SEL1L2: variants seen among roughly 807,000 people sequenced by gnomAD.
The protein encoded by SEL1L2 is SEL1L2 adaptor subunit of SYVN1 ubiquitin ligase.
Under a neutral mutation model 98.8 loss-of-function variants are expected in SEL1L2, and 89 were observed. The observed-to-expected ratio is 0.90, with a 90% CI of 0.76 to 1.07. The LOEUF (loss-of-function observed/expected upper bound fraction) is 1.07. SEL1L2 is among the 50% of genes least tolerant of loss of function. The probability of loss-of-function intolerance (pLI) is 0.00; values close to 1 mark genes in which losing one functional copy is unlikely to be tolerated. For missense variants in SEL1L2, 788 were observed against 812.0 expected, an observed-to-expected ratio of 0.97 and a Z score of 0.36; for synonymous variants, 262 against 278.5, an observed-to-expected ratio of 0.94 and a Z score of 0.59.
intron 17 of SEL1L2, among the ~76,000 whole-genome samples, chr20:13,864,640 A>C (rs1300421661): frequency 6.6e-6 from 1 of 152,190 alleles, no homozygotes; most frequent in Non-Finnish European, 1.5e-5. Flanking sequence ...GGATCCTGCC[A>C]TGTATCTGTT....
At chr20:13,903,152 G>A (rs754975865) in intron 5 of SEL1L2, among the ~76,000 whole-genome samples, 19 of 150,858 alleles carry the variant, frequency 1.3e-4, no homozygotes, top group Non-Finnish European at 2.7e-4. Flanking sequence ...AATTCAAATG[G>A]TTCTGAAGAG....
intron 9 of SEL1L2, among the ~76,000 whole-genome samples, chr20:13,885,818 G>A (rs971903605): frequency 1.3e-5 from 2 of 152,128 alleles, no homozygotes; most frequent in Non-Finnish European, 2.9e-5. Flanking sequence ...GGCAGATCAC[G>A]AGGTCAGGAG....
chr20:13,990,686 C>T (rs1601080092), upstream of SEL1L2: 2 of 590,746 alleles, frequency 3.4e-6, no homozygotes, highest in East Asian at 6.1e-5. Context: ...CCAGAGTGTT[C>T]CTTTCAAGCC....
At chr20:13,931,257 C>T (rs1430647417) in intron 3 of SEL1L2, among the ~76,000 whole-genome samples, 1 of 151,708 alleles carries the variant, frequency 6.6e-6, no homozygotes, top group Non-Finnish European at 1.5e-5. Context: ...GTCTCGATCT[C>T]CTGACCTCGT....
chr20:13,920,199 G>A (rs1246855305), intron 3 of SEL1L2, among the ~76,000 whole-genome samples: 1 of 138,140 alleles, frequency 7.2e-6, no homozygotes. Flanking sequence ...CTGCACTCCA[G>A]CCTGGGTGAC....
At chr20:13,956,153 T>A (rs370552988) in intron 1 of SEL1L2, 22 bp from the exon 2 acceptor site, 64 of 1,316,682 alleles carry the variant, frequency 4.9e-5, no homozygotes, top group South Asian at 1.3e-4. Flanking sequence ...AAAATTTTTT[T>A]ATAAAATTTA....
intron 3 of SEL1L2, among the ~76,000 whole-genome samples, chr20:13,930,219 A>C (rs1255775845): frequency 1.3e-5 from 2 of 152,232 alleles, no homozygotes; most frequent in African/African-American, 2.4e-5. Context: ...GAAGAGCATC[A>C]CTAGCAGGAG....
intron 1 of SEL1L2, among the ~76,000 whole-genome samples, chr20:13,963,148 T>C (rs1347345577): frequency 6.6e-6 from 1 of 151,860 alleles, no homozygotes; most frequent in Non-Finnish European, 1.5e-5. Flanking sequence ...TAATTTCTCA[T>C]GAGAGTTTCA....
rs10655831 is a variant in SEL1L2 at position 13,919,924 on chromosome 20, C to CAAAA, written c.284-805_284-802dup. On this transcript the variant is annotated intron_variant, in intron 3 of 19. Transcript: ENST00000284951. Reference sequence around the variant, plus strand: ...TAGGTGACAGAGCGAGACTCCGTCTCAAAAAAAAAAAAAAATGTTATTGGC... The same window carrying CAAAA: ...TAGGTGACAGAGCGAGACTCCGTCTCAAAAAAAAAAAAAAAAAAATGTTATTGGC... Among the ~76,000 whole-genome samples, 110 of 130,170 alleles carry CAAAA rather than the reference C, an allele frequency of 8.5e-4. 1 individual carries two copies. The highest frequency in any genetic ancestry group is 8.9e-4 in the African/African-American group (31 of 34,638). The allele number at this position is 130,170 out of a possible 152,430, so 85.4% of individuals were successfully genotyped here. A position where few individuals can be genotyped will look rare whatever the true frequency, so the allele number is the denominator to read the frequency against.
At chr20:13,931,533 A>G (rs1365130843) in intron 3 of SEL1L2, 70 bp downstream of exon 3, 1 of 942,726 alleles carries the variant, frequency 1.1e-6, no homozygotes. Flanking sequence ...CTCAGAAAGT[A>G]GCTCTAAAAT....
rs1555889816 is a variant in SEL1L2, at chr20:13,939,035, GTTTTGTTT to G, written c.115-7272_115-7265del. On this transcript the variant is annotated intron_variant, in intron 2 of 19. Coordinates refer to ENST00000284951, the MANE Select transcript of SEL1L2 (RefSeq NM_025229.2). The stretch of plus-strand genomic sequence containing the variant: ...TTTTTTCTTTTTGGTTTGTTTGCTT[GTTTTGTTT>G]TTTTTTTTTTTTTTTTCTGAGATGG... Among the ~76,000 whole-genome samples, 19 of 31,472 alleles carry G rather than the reference GTTTTGTTT, an allele frequency of 6.0e-4. 1 individual carries two copies. The highest frequency in any genetic ancestry group is 9.6e-4 in the Non-Finnish European group (15 of 15,662). 20.6% of individuals were successfully genotyped at this position (31,472 alleles called of 152,430 possible). A position where few individuals can be genotyped will look rare whatever the true frequency, so the allele number is the denominator to read the frequency against.
chr20:13,852,735 T>C (rs1483060783), intron 18 of SEL1L2, among the ~76,000 whole-genome samples: 3 of 152,244 alleles, frequency 2.0e-5, no homozygotes, highest in Non-Finnish European at 4.4e-5. Flanking sequence ...AATATTCAGA[T>C]GTTCAAAATA....
intron 1 of SEL1L2, among the ~76,000 whole-genome samples, chr20:13,958,513 C>G (rs1028381443): frequency 6.6e-6 from 1 of 152,128 alleles, no homozygotes; most frequent in Admixed American, 6.5e-5. Flanking sequence ...AGACAAAAAG[C>G]AAACTTGAGC....
At chr20:13,973,951 C>A (rs1450554398) in intron 1 of SEL1L2, among the ~76,000 whole-genome samples, 1 of 152,134 alleles carries the variant, frequency 6.6e-6, no homozygotes, top group East Asian at 1.9e-4. Flanking sequence ...AAAGTTAAGT[C>A]CTGCTGATCC....
chr20:13,896,036 G>A (rs193237108), intron 5 of SEL1L2, among the ~76,000 whole-genome samples: 2 of 152,124 alleles, frequency 1.3e-5, no homozygotes, highest in African/African-American at 2.4e-5. Context: ...TTAGGCAAGC[G>A]TGGTGGCAGG....
At chr20:13,877,272 C>T (rs1244191659) in intron 11 of SEL1L2, among the ~76,000 whole-genome samples, 1 of 152,036 alleles carries the variant, frequency 6.6e-6, no homozygotes, top group Admixed American at 6.5e-5. Context: ...GGCCTGCTGC[C>T]CTGTCCCTCT....
chr20:13,945,274 T>C (rs1427865567), intron 2 of SEL1L2, among the ~76,000 whole-genome samples: 2 of 152,138 alleles, frequency 1.3e-5, no homozygotes, highest in African/African-American at 4.8e-5. Context: ...TGACCTTATG[T>C]TAGGTTAATT....
chr20:13,954,084 C>T (rs543041419), intron 2 of SEL1L2, among the ~76,000 whole-genome samples: 3 of 150,792 alleles, frequency 2.0e-5, no homozygotes, highest in African/African-American at 4.9e-5. Context: ...AAGTTTTTGT[C>T]GGGGAATGGA....
At chr20:13,966,580 A>T (rs2051054216) in intron 1 of SEL1L2, among the ~76,000 whole-genome samples, 2 of 152,158 alleles carry the variant, frequency 1.3e-5, no homozygotes. Flanking sequence ...CCGGCCTCCC[A>T]AAGTGCTGGG....
Sources: allele counts gnomAD v4.1 joint callset (sites outside exome capture counted in the v4.1 genomes callset), GRCh38; gene constraint gnomAD v4.1.1; transcripts MANE v1.5; gene names NCBI Gene and HGNC (gene_info 2026-07-23, HGNC 2026-07-21).